DOCK11: variants seen among roughly 807,000 people sequenced by gnomAD.
DOCK11 encodes dedicator of cytokinesis protein 11.
DOCK11 carries 70 observed loss-of-function variants against 169.1 expected under a neutral mutation model. The ratio of observed to expected loss-of-function variants is 0.41; its 90% CI spans 0.34 to 0.51. DOCK11 has a LOEUF of 0.51. DOCK11 is among the 20% of genes least tolerant of loss of function. DOCK11 has a pLI of 0.10. For synonymous variants in DOCK11, 529 were observed against 541.3 expected (o/e 0.98, Z 0.32); for missense variants, 1,166 against 1,538.8 (o/e 0.76, Z 4.05).
At chrX:118,680,417 C>T in intron 48 of DOCK11, 65 bp from the exon 49 acceptor site, 2 of 672,213 alleles carry the variant, frequency 3.0e-6, no homozygotes, top group Non-Finnish European at 4.0e-6. Flanking sequence ...ATCTCCTTTT[C>T]CCTTCCACTG....
intron 1 of DOCK11, among the ~76,000 whole-genome samples, chrX:118,527,896 T>A (rs1484463449): frequency 1.8e-5 from 2 of 112,139 alleles, no homozygotes; most frequent in Non-Finnish European, 3.8e-5. Context: ...GTGTAGCCCA[T>A]CCAAGAATTG....
At chrX:118,597,629 T>C (rs2014208700) in intron 21 of DOCK11, 77 bp downstream of exon 21, 6 of 1,130,243 alleles carry the variant, frequency 5.3e-6, no homozygotes, top group South Asian at 1.9e-5. Flanking sequence ...CTCGATTGTT[T>C]AGTACAATGT....
At chrX:118,663,517 G>C (rs938808627) in intron 45 of DOCK11, among the ~76,000 whole-genome samples, 13 of 110,379 alleles carry the variant, frequency 1.2e-4, no homozygotes, top group African/African-American at 4.0e-4. Flanking sequence ...TAAGAGGTAG[G>C]AAAGTGTAAG....
At chrX:118,587,575 CAT>C (rs1324315082) in intron 16 of DOCK11, among the ~76,000 whole-genome samples, 2 of 112,013 alleles carry the variant, frequency 1.8e-5, no homozygotes, top group East Asian at 2.8e-4. Flanking sequence ...ATTTCAATAA[CAT>C]ATGCTGCTAA....
At chrX:118,516,416 TCCC>T (rs1405596281) in intron 1 of DOCK11, among the ~76,000 whole-genome samples, 4 of 91,744 alleles carry the variant, frequency 4.4e-5, no homozygotes, top group African/African-American at 1.6e-4. Context: ...TCTCCTCCCC[TCCC>T]CTCCCCTCCC....
At chrX:118,628,790 G>C (rs1345851003) in intron 34 of DOCK11, among the ~76,000 whole-genome samples, 1 of 112,805 alleles carries the variant, frequency 8.9e-6, no homozygotes, top group African/African-American at 3.2e-5. Flanking sequence ...CCTTAAGGCA[G>C]AAAGACCTCA....
chrX:118,524,421 G>A (rs2011327515), intron 1 of DOCK11, among the ~76,000 whole-genome samples: 1 of 111,303 alleles, frequency 9.0e-6, no homozygotes. Context: ...TCTCAAATCA[G>A]AGGACACTAA....
chrX:118,685,498 A>G (rs182169899), intron 52 of DOCK11, 190 bp from the exon 53 acceptor site: 13 of 417,219 alleles, frequency 3.1e-5, no homozygotes, highest in Non-Finnish European at 4.5e-5. Context: ...TGCTTTTTTG[A>G]TATGCTGCCT....
At chrX:118,671,361 A>G (rs749613151) in intron 46 of DOCK11, among the ~76,000 whole-genome samples, 2 of 111,526 alleles carry the variant, frequency 1.8e-5, no homozygotes, top group Non-Finnish European at 3.8e-5. Flanking sequence ...ATGCTATTAA[A>G]TCCTGAGATT....
chrX:118,503,921 C>G (rs2057593107), intron 1 of DOCK11, among the ~76,000 whole-genome samples: 1 of 111,125 alleles, frequency 9.0e-6, no homozygotes, highest in African/African-American at 3.3e-5. Flanking sequence ...GAGTCCACCC[C>G]TTGGGCAGAT....
chrX:118,588,382 G>T lies in DOCK11; in HGVS notation c.1981-31G>T, dbSNP rs371234166. The stretch of plus-strand genomic sequence containing the variant: ...ATGTTATTTATAATCTGCTAATTGT[G>T]TGACTCATTTTGACTGATTAATCAT... On this transcript the variant is annotated intron_variant, in intron 17 of 52. Transcript: ENST00000276202. 10 of 1,165,790 alleles carry T rather than the reference G, an allele frequency of 8.6e-6. No homozygotes were observed. The African/African-American group carries it at 1.8e-4, about 21-fold the overall frequency.
intron 35 of DOCK11, chrX:118,632,972 G>C (rs1308740615): frequency 2.3e-4 from 19 of 83,908 alleles, no homozygotes; most frequent in Non-Finnish European, 3.3e-4. Flanking sequence ...GGGGCGGTGG[G>C]GGGGGGGGTG....
At chrX:118,567,661 G>A (rs2147383424) in intron 9 of DOCK11, among the ~76,000 whole-genome samples, 1 of 110,708 alleles carries the variant, frequency 9.0e-6, no homozygotes, top group African/African-American at 3.3e-5. Flanking sequence ...TTGAACTCCT[G>A]GCCTCGAGTG....
At chrX:118,604,521 CTTTTTTTTTTTTTTTTT>C (rs74504860) in intron 23 of DOCK11, among the ~76,000 whole-genome samples, 1 of 38,183 alleles carries the variant, frequency 2.6e-5, no homozygotes. Context: ...GGTTTGTTTC[CTTTTTTTTTTTTTTTTT>C]TTTTTTTTTT....
chrX:118,608,466 T>C (rs2014595818), intron 26 of DOCK11, 110 bp downstream of exon 26: 2 of 979,991 alleles, frequency 2.0e-6, no homozygotes, highest in Non-Finnish European at 2.7e-6. Flanking sequence ...GACCCGTCCT[T>C]TCTCCACCAT....
At chrX:118,582,211 A>C (rs1272399193) in intron 14 of DOCK11, among the ~76,000 whole-genome samples, 1 of 112,017 alleles carries the variant, frequency 8.9e-6, no homozygotes, top group Non-Finnish European at 1.9e-5. Flanking sequence ...AAAGGTGGGT[A>C]CTGTTATCCC....
chrX:118,538,638 G>A (rs773676878), intron 1 of DOCK11: 9 of 726,205 alleles, frequency 1.2e-5, no homozygotes, highest in Non-Finnish European at 1.1e-5. Flanking sequence ...AAATGCCTTC[G>A]CCTTTTACTT....
chrX:118,640,950 T>C (rs975593298), intron 38 of DOCK11, among the ~76,000 whole-genome samples: 1 of 110,766 alleles, frequency 9.0e-6, no homozygotes, highest in Non-Finnish European at 1.9e-5. Context: ...CGTGCCACCA[T>C]GCCCGGCTAA....
intron 40 of DOCK11, among the ~76,000 whole-genome samples, chrX:118,647,262 G>C (rs1007244097): frequency 9.7e-6 from 1 of 102,592 alleles, no homozygotes; most frequent in Non-Finnish European, 2.0e-5. Context: ...TTCTCAGCAC[G>C]TTGATGTTCA....
Sources: allele counts gnomAD v4.1 joint callset (sites outside exome capture counted in the v4.1 genomes callset), GRCh38; gene constraint gnomAD v4.1.1; transcripts MANE v1.5; gene names NCBI Gene and HGNC (gene_info 2026-07-23, HGNC 2026-07-21).